The following ARL4C variants were observed in gnomAD, a reference collection of about 807,000 sequenced individuals.
ARL4C encodes ADP-ribosylation factor-like protein 4C.
A neutral mutation model predicts 12.8 loss-of-function variants in ARL4C; 5 were observed. That is an observed-to-expected ratio of 0.39 (90% confidence interval 0.20 to 0.82). ARL4C has a LOEUF of 0.82. ARL4C is among the 40% of genes least tolerant of loss of function. The pLI, the probability that ARL4C is intolerant of heterozygous loss-of-function variation, is 0.39. For missense variants in ARL4C, 148 were observed against 265.2 expected (o/e 0.56, Z 3.07); for synonymous variants, 119 against 119.4 (o/e 1.00, Z 0.02).
In ARL4C at chr2:234,496,524, C is replaced by T. The variant is rs934482812; in HGVS notation, c.63G>A (p.Leu21=). 6.2e-7 allele frequency: 1 copy of T among 1,611,934 alleles called. No homozygotes were observed. The highest frequency in any genetic ancestry group is 1.3e-5 in the African/African-American group (1 of 74,886). The change falls in exon 1 of 2, where the codon TTG becomes TTA. Residue 21 remains leucine, a synonymous_variant. Coordinates refer to ENST00000339728, the MANE Select transcript of ARL4C (RefSeq NM_001282431.2). ...GCACCGTGGTCTTGCCGGCCGAGTC[C>T]AAGCCCAACATGACGATATGCAGGG... ...FQSLHIVMLG[L]DSAGKTTVLY... is the part of the protein sequence containing the mutation.
chr2:234,496,211 C>T lies in ARL4C; in HGVS notation c.376G>A (p.Ala126Thr). Residue 126 changes from alanine (A) to threonine (T), a missense_variant, in exon 1 of 2, where the codon GCC (alanine) becomes ACC (threonine). Ala to Thr is a moderately conservative substitution (Grantham distance 58). This residue lies in a region of ARL4C where 42 missense variants were observed against 87.4 expected (regional missense o/e 0.48). Transcript: ENST00000339728. ...GACTTGGGCAGGTCCTGCTTGTTGG[C>T]GATGACCAGCAGCGGCGTGCCCTGG... is the stretch of plus-strand genomic sequence containing the variant. ...ENQGTPLLVI[A>T]NKQDLPKSLP... is the part of the protein sequence containing the mutation. The T allele has an allele frequency of 6.3e-7, 1 of 1,595,586 alleles. No individual in the cohort carries two copies. Among genetic ancestry groups the T allele is most frequent in the Non-Finnish European group, 8.5e-7 (1 of 1,170,530 alleles).
chr2:234,493,570 T>A lies in ARL4C; in HGVS notation c.*2236A>T, dbSNP rs1337221073. The A allele has an allele frequency of 1.3e-5, 2 of 152,644 alleles. No homozygotes were observed. The highest frequency in any genetic ancestry group is 4.8e-5 in the African/African-American group (2 of 41,456). 9.5% of individuals were successfully genotyped at this position (152,644 alleles called of 1,614,324 possible). A position where few individuals can be genotyped will look rare whatever the true frequency, so the allele number is the denominator to read the frequency against. On this transcript the variant is annotated 3_prime_UTR_variant, in exon 2 of 2. Coordinates refer to ENST00000339728, the MANE Select transcript of ARL4C (RefSeq NM_001282431.2). ...ATTGATTATGCAAAAAACAAAATCA[T>A]CTCGCATCAGTTTTAAAGCATGACA...
rs1225131239 is a variant in ARL4C at position 234,494,844 on chromosome 2, T to C, written c.*962A>G. ...TGAAAACCCATTATCACGCGGTTAGTATTACAAGAGACATCCCTTGGTTAA... is the reference window on the plus strand; with the variant it reads ...TGAAAACCCATTATCACGCGGTTAGCATTACAAGAGACATCCCTTGGTTAA... On this transcript the variant is annotated 3_prime_UTR_variant, in exon 2 of 2. Coordinates refer to ENST00000339728, the MANE Select transcript of ARL4C (RefSeq NM_001282431.2). 1.3e-5 allele frequency: 2 copies of C among 152,090 alleles called. No homozygotes were observed. Among genetic ancestry groups the C allele is most frequent in the Non-Finnish European group, 2.9e-5 (2 of 67,902 alleles). 9.4% of individuals were successfully genotyped at this position (152,090 alleles called of 1,614,324 possible).
In ARL4C at chr2:234,493,802, G is replaced by A. The variant is rs757139554; in HGVS notation, c.*2004C>T. 2.6e-5 allele frequency: 4 copies of A among 152,514 alleles called. No homozygotes were observed. The highest frequency in any genetic ancestry group is 5.9e-5 in the Non-Finnish European group (4 of 68,032). The allele number at this position is 152,514 out of a possible 1,614,324, so 9.4% of individuals were successfully genotyped here. On this transcript the variant is annotated 3_prime_UTR_variant, in exon 2 of 2. Coordinates refer to ENST00000339728, the MANE Select transcript of ARL4C (RefSeq NM_001282431.2). ...ATAATTCTATACAGAATCTTCAGAT[G>A]ATGGGACCAGCCCATTTAGAAATCA...
chr2:234,496,337 G>T lies in ARL4C; in HGVS notation c.250C>A (p.Arg84Ser), dbSNP rs1186274243. The T allele has an allele frequency of 6.2e-7, 1 of 1,613,172 alleles. No individual in the cohort carries two copies. The highest frequency in any genetic ancestry group is 1.1e-5 in the South Asian group (1 of 90,992). Residue 84 changes from arginine (R) to serine (S), a missense_variant, in exon 1 of 2, where the codon CGC (arginine) becomes AGC (serine). This residue lies in a region of ARL4C where 51 missense variants were observed against 127.9 expected (regional missense o/e 0.40). Transcript: ENST00000339728. ...KLRPLWKSYS[R>S]CTDGIIYVVD... ...ACGTAGATGATGCCGTCCGTGCAGC[G>T]GCTGTAGGACTTCCACAGCGGCCGC...
In ARL4C at chr2:234,495,602, G is replaced by C. The variant is rs1691769990; in HGVS notation, c.*204C>G. The C allele has an allele frequency of 4.6e-6, 3 of 655,376 alleles. No individual in the cohort carries two copies. Among genetic ancestry groups the C allele is most frequent in the Non-Finnish European group, 7.9e-6 (3 of 380,602 alleles). 40.6% of individuals were successfully genotyped at this position (655,376 alleles called of 1,614,324 possible). On this transcript the variant is annotated 3_prime_UTR_variant, in exon 2 of 2. Coordinates refer to ENST00000339728, the MANE Select transcript of ARL4C (RefSeq NM_001282431.2). Reference sequence around the variant, plus strand: ...TCCCCCAGTGGAGGCGGGGCAGCCTGAACTTCTGGCCCTGCAGGAGTGGGA... The same window carrying C: ...TCCCCCAGTGGAGGCGGGGCAGCCTCAACTTCTGGCCCTGCAGGAGTGGGA...
At position 234,495,765 on chromosome 2, in the gene ARL4C, T is replaced by G; in HGVS notation, c.*41A>C. ...TCTGGCGTTCAGACAAAAGGTCCCC[T>G]GAGCTGGGGGTGGGGGGCAGGTCGA... On this transcript the variant is annotated 3_prime_UTR_variant, in exon 2 of 2. Coordinates refer to ENST00000339728, the MANE Select transcript of ARL4C (RefSeq NM_001282431.2). The G allele has an allele frequency of 6.3e-7, 1 of 1,597,962 alleles. No individual in the cohort carries two copies. The highest frequency in any genetic ancestry group is 8.5e-7 in the Non-Finnish European group (1 of 1,179,344).
At chr2:234,495,919 C>T (rs1574657038) in intron 1 of ARL4C, 83 bp from the exon 2 acceptor site, 31 of 1,606,706 alleles carry the variant, frequency 1.9e-5, no homozygotes, top group Non-Finnish European at 2.6e-5. Flanking sequence ...CGGGTTCTCG[C>T]TCATCCATCC....
rs559126800 is a variant in ARL4C, at chr2:234,496,504, G to A, written c.83C>T (p.Thr28Met). The A allele has an allele frequency of 6.2e-7, 1 of 1,613,646 alleles. No homozygotes were observed. The highest frequency in any genetic ancestry group is 8.5e-7 in the Non-Finnish European group (1 of 1,179,852). ...MLGLDSAGKT[T>M]VLYRLKFNEF... ...GTTGAACTTGAGCCGGTAGAGCACC[G>A]TGGTCTTGCCGGCCGAGTCCAAGCC... The change falls in exon 1 of 2, where the codon ACG becomes ATG. Residue 28 changes from threonine (T) to methionine (M), a missense_variant. Transcript: ENST00000339728.
rs747191135 is a variant in ARL4C at position 234,494,431 on chromosome 2, C to G, written c.*1375G>C. On this transcript the variant is annotated 3_prime_UTR_variant, in exon 2 of 2. Transcript: ENST00000339728. ...AGTGCCTGAGTACCAGTGACCATGA[C>G]GTCACACTTTCTTTTATCTCAAGCA... 2 of 152,650 alleles carry G rather than the reference C, an allele frequency of 1.3e-5. No individual in the cohort carries two copies. The highest frequency in any genetic ancestry group is 2.9e-5 in the Non-Finnish European group (2 of 68,040). 9.5% of individuals were successfully genotyped at this position (152,650 alleles called of 1,614,324 possible). A position where few individuals can be genotyped will look rare whatever the true frequency, so the allele number is the denominator to read the frequency against.
Position 234,496,487 on chromosome 2 carries a change from T to G in ARL4C, c.100A>C (p.Lys34Gln), listed in dbSNP as rs1466475387. The G allele has an allele frequency of 6.2e-7, 1 of 1,613,898 alleles. No individual in the cohort carries two copies. The highest frequency in any genetic ancestry group is 1.1e-5 in the South Asian group (1 of 91,068). The change falls in exon 1 of 2, where the codon AAG becomes CAG. Residue 34 changes from lysine (K) to glutamine (Q), a missense_variant. By Grantham distance (53) the Lys-to-Gln change is moderately conservative. This residue lies in a region of ARL4C where 51 missense variants were observed against 127.9 expected (regional missense o/e 0.40). Transcript: ENST00000339728. ...AGKTTVLYRL[K>Q]FNEFVNTVPT... is the part of the protein sequence containing the mutation. The stretch of plus-strand genomic sequence containing the variant: ...ACCGTGTTCACGAACTCGTTGAACT[T>G]GAGCCGGTAGAGCACCGTGGTCTTG...
chr2:234,496,252 G>A lies in ARL4C; in HGVS notation c.335C>T (p.Thr112Ile). 1.3e-6 allele frequency: 2 copies of A among 1,585,550 alleles called. No homozygotes were observed. Among genetic ancestry groups the A allele is most frequent in the Non-Finnish European group, 1.7e-6 (2 of 1,164,796 alleles). Residue 112 changes from threonine (T) to isoleucine (I), a missense_variant, in exon 1 of 2, where the codon ACC becomes ATC. Transcript: ENST00000339728. The part of the protein sequence containing the change: ...EEAKTELHKV[T>I]KFAENQGTPL... Reference sequence around the variant, plus strand: ...CGTGCCCTGGTTCTCGGCGAACTTGGTCACCTTGTGCAGCTCCGTCTTGGC... The same window carrying A: ...CGTGCCCTGGTTCTCGGCGAACTTGATCACCTTGTGCAGCTCCGTCTTGGC...
Position 234,495,034 on chromosome 2 carries a change from C to A in ARL4C, c.*772G>T, listed in dbSNP as rs1044828908. 9 of 152,916 alleles carry A rather than the reference C, an allele frequency of 5.9e-5. No homozygotes were observed. The highest frequency in any genetic ancestry group is 1.7e-4 in the African/African-American group (7 of 41,418). 9.5% of individuals were successfully genotyped at this position (152,916 alleles called of 1,614,324 possible). A position where few individuals can be genotyped will look rare whatever the true frequency, so the allele number is the denominator to read the frequency against. On this transcript the variant is annotated 3_prime_UTR_variant, in exon 2 of 2. Transcript: ENST00000339728. ...AGGGAGGTCCCTATATCCACACACA[C>A]ACACACCCCATCCAGCATTTACACC... is the stretch of plus-strand genomic sequence containing the variant.
Position 234,496,618 on chromosome 2 carries a change from T to C in ARL4C, c.-32A>G. ...TGGCTGCGGCGCCAGCCACTGCGGC[T>C]GCGGCGGGAGGGCGCCGCCCCCCGA... On this transcript the variant is annotated 5_prime_UTR_variant, in exon 1 of 2. Transcript: ENST00000339728. 1 of 1,433,648 alleles carries C rather than the reference T, an allele frequency of 7.0e-7. No homozygotes were observed. The highest frequency in any genetic ancestry group is 1.6e-5 in the South Asian group (1 of 63,628). The allele number at this position is 1,433,648 out of a possible 1,614,324, so 88.8% of individuals were successfully genotyped here. A position where few individuals can be genotyped will look rare whatever the true frequency, so the allele number is the denominator to read the frequency against.
At position 234,496,004 on chromosome 2, in the gene ARL4C, C is replaced by A. The variant is rs116822290; in HGVS notation, c.575+8G>T. ...TCGCTCGCTCCCCGGTCGCTCCGGG[C>A]GCATTACCGCTTCTTCTTCTGCTTG... On this transcript the variant is annotated splice_region_variant and intron_variant, in intron 1 of 1. Coordinates refer to ENST00000339728, the MANE Select transcript of ARL4C (RefSeq NM_001282431.2). 1.0e-3 allele frequency: 1,667 copies of A among 1,605,656 alleles called. 13 individuals are homozygous for A. The African/African-American group carries it at 0.019, about 18-fold the overall frequency.
At position 234,495,682 on chromosome 2, in the gene ARL4C, C is replaced by G. The variant is rs746594480; in HGVS notation, c.*124G>C. On this transcript the variant is annotated 3_prime_UTR_variant, in exon 2 of 2. Coordinates refer to ENST00000339728, the MANE Select transcript of ARL4C (RefSeq NM_001282431.2). ...AGCCTTCCACCTGGGGCTGGGAGGG[C>G]GGACAGCAGGACCGGCTCTTCCACT... 99 of 1,236,982 alleles carry G rather than the reference C, an allele frequency of 8.0e-5. No homozygotes were observed. Among genetic ancestry groups the G allele is most frequent in the Middle Eastern group, 2.4e-4 (1 of 4,180 alleles). 76.6% of individuals were successfully genotyped at this position (1,236,982 alleles called of 1,614,324 possible).
At position 234,496,460 on chromosome 2, in the gene ARL4C, G is replaced by A; in HGVS notation, c.127C>T (p.Pro43Ser). Residue 43 changes from proline (P) to serine (S), a missense_variant, in exon 1 of 2, where the codon CCC becomes TCC. Pro to Ser is a moderately conservative substitution (Grantham distance 74). Around this residue, in one of 4 missense-constraint regions of ARL4C, gnomAD observed 51 missense variants for 127.9 expected, o/e 0.40. Transcript: ENST00000339728. Reference sequence around the variant, plus strand: ...TTCTCGGTGTTGAAGCCGATGGTGGGCACCGTGTTCACGAACTCGTTGAAC... The same window carrying A: ...TTCTCGGTGTTGAAGCCGATGGTGGACACCGTGTTCACGAACTCGTTGAAC... The part of the protein sequence containing the change: ...LKFNEFVNTV[P>S]TIGFNTEKIK... 1 of 1,613,318 alleles carries A rather than the reference G, an allele frequency of 6.2e-7. No individual in the cohort carries two copies. Among genetic ancestry groups the A allele is most frequent in the Non-Finnish European group, 8.5e-7 (1 of 1,179,852 alleles).
At position 234,494,538 on chromosome 2, in the gene ARL4C, T is replaced by C. The variant is rs1356557960; in HGVS notation, c.*1268A>G. The C allele has an allele frequency of 6.6e-6, 1 of 152,644 alleles. No homozygotes were observed. Among genetic ancestry groups the C allele is most frequent in the African/African-American group, 2.4e-5 (1 of 41,454 alleles). The allele number at this position is 152,644 out of a possible 1,614,324, so 9.5% of individuals were successfully genotyped here. ...CAAGAATGAATTCGGAAAGACTTCATCCTTGTGTTTTTCCTTCTCTTTTAA... is the reference window on the plus strand; with the variant it reads ...CAAGAATGAATTCGGAAAGACTTCACCCTTGTGTTTTTCCTTCTCTTTTAA... On this transcript the variant is annotated 3_prime_UTR_variant, in exon 2 of 2. Transcript: ENST00000339728.
rs1251767781 is a variant in ARL4C at position 234,494,553 on chromosome 2, T to G, written c.*1253A>C. 1 of 152,640 alleles carries G rather than the reference T, an allele frequency of 6.6e-6. No individual in the cohort carries two copies. Among genetic ancestry groups the G allele is most frequent in the East Asian group, 1.9e-4 (1 of 5,198 alleles). The allele number at this position is 152,640 out of a possible 1,614,324, so 9.5% of individuals were successfully genotyped here. A position where few individuals can be genotyped will look rare whatever the true frequency, so the allele number is the denominator to read the frequency against. On this transcript the variant is annotated 3_prime_UTR_variant, in exon 2 of 2. Coordinates refer to ENST00000339728, the MANE Select transcript of ARL4C (RefSeq NM_001282431.2). Reference sequence around the variant, plus strand: ...AAAGACTTCATCCTTGTGTTTTTCCTTCTCTTTTAATTCCATGCAACGAGG... The same window carrying G: ...AAAGACTTCATCCTTGTGTTTTTCCGTCTCTTTTAATTCCATGCAACGAGG...
Sources: allele counts gnomAD v4.1 joint callset, GRCh38; gene constraint gnomAD v4.1.1; regional missense constraint gnomAD v4.1.1; transcripts MANE v1.5; gene names NCBI Gene and HGNC (gene_info 2026-07-23, HGNC 2026-07-21).